GRIK4: variants seen among roughly 807,000 people sequenced by gnomAD.
The protein encoded by GRIK4 is glutamate ionotropic receptor kainate type subunit 4, also known as glutamate receptor ionotropic, kainate 4.
GRIK4 carries 40 observed loss-of-function variants against 104.9 expected under a neutral mutation model. That is an observed-to-expected ratio of 0.38 (90% CI 0.30 to 0.50). The LOEUF is 0.50. Among genes scored for constraint, GRIK4 ranks in the 20% least tolerant of loss-of-function variants. The pLI, the probability that GRIK4 is intolerant of heterozygous loss-of-function variation, is 0.93. For missense variants in GRIK4, 1,047 were observed against 1,308.1 expected, an observed-to-expected ratio of 0.80 and a Z score of 3.08; for synonymous variants, 485 against 524.9, an observed-to-expected ratio of 0.92 and a Z score of 1.04.
chr11:120,619,343 T>G (rs1277708808), intron 1 of GRIK4, among the ~76,000 whole-genome samples: 1 of 152,216 alleles, frequency 6.6e-6, no homozygotes, highest in Non-Finnish European at 1.5e-5. Flanking sequence ...AACTAACTTG[T>G]TTTTGATTTT....
intron 1 of GRIK4, among the ~76,000 whole-genome samples, chr11:120,569,108 G>C (rs1948365862): frequency 6.6e-6 from 1 of 152,230 alleles, no homozygotes; most frequent in South Asian, 2.1e-4. Context: ...CAGGTGCTTA[G>C]AGCCATTTGC....
intron 1 of GRIK4, among the ~76,000 whole-genome samples, chr11:120,578,776 C>G (rs1443701152): frequency 6.6e-6 from 1 of 152,220 alleles, no homozygotes; most frequent in African/African-American, 2.4e-5. Context: ...CCCCGCCCGG[C>G]CCCTGGTTTC....
intron 1 of GRIK4, among the ~76,000 whole-genome samples, chr11:120,601,635 GT>G (rs1479289600): frequency 1.5e-5 from 2 of 135,048 alleles, no homozygotes; most frequent in African/African-American, 5.6e-5. Flanking sequence ...TTCTGTTGTT[GT>G]TGTGTGTGTG....
At chr11:120,966,491 C>T (rs1944385990) in intron 18 of GRIK4, among the ~76,000 whole-genome samples, 1 of 152,206 alleles carries the variant, frequency 6.6e-6, no homozygotes. Flanking sequence ...TCTGTCTCAG[C>T]CTCCTGAGCA....
intron 3 of GRIK4, among the ~76,000 whole-genome samples, chr11:120,788,615 C>T (rs181999180): frequency 1.3e-5 from 2 of 152,150 alleles, no homozygotes; most frequent in Non-Finnish European, 2.9e-5. Context: ...TCCCTTCTCT[C>T]ACCCCAGATG....
At chr11:120,517,911 C>G (rs566715818) in intron 1 of GRIK4, among the ~76,000 whole-genome samples, 13 of 152,204 alleles carry the variant, frequency 8.5e-5, no homozygotes, top group African/African-American at 3.1e-4. Flanking sequence ...ATCAATAGCC[C>G]AGAGGAGGTT....
At chr11:120,540,941 G>A (rs1948027465) in intron 1 of GRIK4, among the ~76,000 whole-genome samples, 1 of 152,172 alleles carries the variant, frequency 6.6e-6, no homozygotes, top group South Asian at 2.1e-4. Flanking sequence ...TTGCATTCCA[G>A]CCTGGGTGAG....
chr11:120,699,095 C>T (rs1950506498), intron 3 of GRIK4, among the ~76,000 whole-genome samples: 1 of 152,216 alleles, frequency 6.6e-6, no homozygotes, highest in South Asian at 2.1e-4. Flanking sequence ...GTCATATTTC[C>T]CGTTGCCACT....
intron 9 of GRIK4, among the ~76,000 whole-genome samples, chr11:120,864,212 TA>T (rs1340698644): frequency 7.4e-6 from 1 of 135,978 alleles, no homozygotes; most frequent in Non-Finnish European, 1.6e-5. Flanking sequence ...TATTTTTATT[TA>T]TTTATTTATT....
intron 1 of GRIK4, among the ~76,000 whole-genome samples, chr11:120,575,132 C>T (rs1018764258): frequency 6.6e-6 from 1 of 152,140 alleles, no homozygotes; most frequent in Non-Finnish European, 1.5e-5. Context: ...GCCCGCCATG[C>T]CTGAGGTAGA....
chr11:120,598,940 CCTT>C (rs1445255156), intron 1 of GRIK4, among the ~76,000 whole-genome samples: 2 of 152,186 alleles, frequency 1.3e-5, no homozygotes, highest in Non-Finnish European at 2.9e-5. Context: ...ATAATGGACT[CCTT>C]CTCTTGATGG....
At chr11:120,559,923 T>C (rs905763850) in intron 1 of GRIK4, among the ~76,000 whole-genome samples, 2 of 152,004 alleles carry the variant, frequency 1.3e-5, no homozygotes, top group African/African-American at 4.8e-5. Flanking sequence ...CCTGAGAGGG[T>C]CTCTCTGGTT....
chr11:120,593,957 C>G (rs1948768441), intron 1 of GRIK4, among the ~76,000 whole-genome samples: 1 of 152,132 alleles, frequency 6.6e-6, no homozygotes, highest in African/African-American at 2.4e-5. Context: ...CAAATTTATA[C>G]CCTTCTCTCT....
chr11:120,563,049 C>T (rs1948260168), intron 1 of GRIK4, among the ~76,000 whole-genome samples: 1 of 152,226 alleles, frequency 6.6e-6, no homozygotes, highest in Admixed American at 6.5e-5. Context: ...GCTTGCCCAG[C>T]TTCCAGAACG....
intron 1 of GRIK4, among the ~76,000 whole-genome samples, chr11:120,628,942 C>CA (rs1949296964): frequency 6.6e-6 from 1 of 152,190 alleles, no homozygotes; most frequent in Non-Finnish European, 1.5e-5. Context: ...CTAGGACACT[C>CA]AGAGTGGAGA....
chr11:120,882,529 C>T lies in GRIK4; in HGVS notation c.1164+7286C>T, dbSNP rs77560615. ...TGCCTTTGATGAGGAAACTTCGAGACGGCAGATCCGGGTGGAGGGAGCAGA... is the reference window on the plus strand; with the variant it reads ...TGCCTTTGATGAGGAAACTTCGAGATGGCAGATCCGGGTGGAGGGAGCAGA... On this transcript the variant is annotated intron_variant, in intron 11 of 20. Coordinates refer to ENST00000527524, the MANE Select transcript of GRIK4 (RefSeq NM_014619.5). Among the ~76,000 whole-genome samples the T allele has an allele frequency of 3.7e-4, 57 of 152,238 alleles. No individual in the cohort carries two copies. In the East Asian group the frequency reaches 8.5e-3, roughly 23 times the overall value.
At chr11:120,887,295 C>T (rs1054102959) in intron 11 of GRIK4, among the ~76,000 whole-genome samples, 6 of 152,158 alleles carry the variant, frequency 3.9e-5, no homozygotes, top group African/African-American at 1.4e-4. Context: ...CCCGTGGCCT[C>T]CTACCGTCAC....
chr11:120,606,751 G>A (rs573089893), intron 1 of GRIK4, among the ~76,000 whole-genome samples: 15 of 152,124 alleles, frequency 9.9e-5, no homozygotes, highest in Non-Finnish European at 2.1e-4. Context: ...GGAGTGATGG[G>A]GCCGTGGAAA....
Position 120,939,018 on chromosome 11 carries a change from C to T in GRIK4, c.1477-1329C>T, listed in dbSNP as rs1483861490. ...TGCTGGGAAGGACCCAGGCACTCTC[C>T]TTGATTTATGGATGAGGTTAAGGGA... On this transcript the variant is annotated intron_variant, in intron 13 of 20. Coordinates refer to ENST00000527524, the MANE Select transcript of GRIK4 (RefSeq NM_014619.5). This position sits in a 1 kb window ranked among gnomAD's most constrained non-coding sequence, Gnocchi z 5.6. 1.3e-5 allele frequency among the ~76,000 whole-genome samples: 2 copies of T among 152,090 alleles called. No individual in the cohort carries two copies. Among genetic ancestry groups the T allele is most frequent in the Non-Finnish European group, 2.9e-5 (2 of 68,014 alleles).
Sources: gnomAD v4.1 joint callset for allele counts (sites outside exome capture counted in the v4.1 genomes callset) on GRCh38, gnomAD v4.1.1 for gene constraint, Gnocchi (gnomAD v3.1) non-coding constraint, MANE v1.5 for transcripts, NCBI Gene and HGNC (gene_info 2026-07-23, HGNC 2026-07-21) for gene names.